The following SV2C variants were observed in gnomAD, a reference collection of about 807,000 sequenced individuals.
The protein encoded by SV2C is synaptic vesicle glycoprotein 2C, also known as solute carrier family 22 member B3.
Under a neutral mutation model 79.7 loss-of-function variants are expected in SV2C, and 49 were observed. The observed-to-expected ratio is 0.61, with a 90% CI of 0.49 to 0.78. The LOEUF is 0.78. SV2C is among the 30% of genes least tolerant of loss of function. The pLI is 0.00. For synonymous variants in SV2C, 334 were observed against 333.2 expected (o/e 1.00, Z -0.03); for missense variants, 833 against 912.9 (o/e 0.91, Z 1.13).
chr5:76,185,299 G>A (rs1743878722), intron 2 of SV2C, among the ~76,000 whole-genome samples: 1 of 152,228 alleles, frequency 6.6e-6, no homozygotes, highest in African/African-American at 2.4e-5. Context: ...GGTGCAAGCT[G>A]TTGGCAGATC....
At chr5:76,340,864 C>G (rs981035684) in intron 12 of SV2C, among the ~76,000 whole-genome samples, 9 of 151,950 alleles carry the variant, frequency 5.9e-5, no homozygotes, top group Admixed American at 5.9e-4. Context: ...CCTGCCTCAG[C>G]CTTCCAAAGT....
At chr5:75,880,380 C>T in the SV2C span, among the ~76,000 whole-genome samples, 2 of 152,162 alleles carry the variant, frequency 1.3e-5, no homozygotes, top group African/African-American at 4.8e-5. Flanking sequence ...TAAGTCATTT[C>T]TTTGCTCCCA....
intron 2 of SV2C, among the ~76,000 whole-genome samples, chr5:76,175,455 CAG>C (rs1284385477): frequency 7.9e-5 from 12 of 152,212 alleles, no homozygotes; most frequent in Middle Eastern, 3.4e-3. Flanking sequence ...AAAATGGACA[CAG>C]AATCTAACAG....
chr5:76,154,898 A>G (rs1742672247), intron 2 of SV2C, among the ~76,000 whole-genome samples: 1 of 152,178 alleles, frequency 6.6e-6, no homozygotes, highest in Admixed American at 6.5e-5. Flanking sequence ...ATTTAAAGGG[A>G]AAAAGAGCAG....
chr5:76,182,273 G>T (rs1743757432), intron 2 of SV2C, among the ~76,000 whole-genome samples: 1 of 151,960 alleles, frequency 6.6e-6, no homozygotes, highest in Non-Finnish European at 1.5e-5. Flanking sequence ...TGACCCCCCA[G>T]ACCTACCCGC....
chr5:76,089,897 T>C (rs912030852), intron 1 of SV2C, among the ~76,000 whole-genome samples: 41 of 152,254 alleles, frequency 2.7e-4, no homozygotes, highest in African/African-American at 8.7e-4. Context: ...AGAGACAGCA[T>C]AAGGAGAATA....
intron 2 of SV2C, among the ~76,000 whole-genome samples, chr5:76,137,724 T>C (rs1749115585): frequency 6.6e-6 from 1 of 152,216 alleles, no homozygotes; most frequent in Admixed American, 6.5e-5. Context: ...TTAAATCTCC[T>C]GTTTCCCTTC....
At chr5:76,180,305 T>G (rs1743680630) in intron 2 of SV2C, among the ~76,000 whole-genome samples, 1 of 152,236 alleles carries the variant, frequency 6.6e-6, no homozygotes, top group Admixed American at 6.5e-5. Flanking sequence ...AAAATATTTT[T>G]TAAGGTAGTT....
At chr5:75,901,918 C>T in the SV2C span, among the ~76,000 whole-genome samples, 53 of 152,080 alleles carry the variant, frequency 3.5e-4, no homozygotes, top group Non-Finnish European at 6.2e-4. Flanking sequence ...TCTTCTGGTG[C>T]GCCATTTTTT....
At chr5:75,951,238 A>G in the SV2C span, among the ~76,000 whole-genome samples, 222 of 152,148 alleles carry the variant, frequency 1.5e-3, 2 homozygotes, top group Admixed American at 0.014. Flanking sequence ...AAATTAATAT[A>G]CCAAATGGAT....
the SV2C span, among the ~76,000 whole-genome samples, chr5:76,010,346 G>A: frequency 1.6e-4 from 25 of 152,072 alleles, no homozygotes; most frequent in African/African-American, 6.0e-4. Context: ...GGGAAAAGAC[G>A]GTTGAATTAT....
At chr5:76,125,946 A>C (rs1487082803) in intron 1 of SV2C, among the ~76,000 whole-genome samples, 5 of 152,066 alleles carry the variant, frequency 3.3e-5, no homozygotes, top group Non-Finnish European at 5.9e-5. Context: ...AGTCCCAGCT[A>C]CTTGGGAGGC....
the SV2C span, among the ~76,000 whole-genome samples, chr5:76,054,468 C>G: frequency 8.4e-3 from 1,276 of 152,214 alleles, 14 homozygotes; most frequent in Non-Finnish European, 0.014. Context: ...GTGCATGGGT[C>G]TTTATAGTAG....
intron 1 of SV2C, 82 bp from the exon 2 acceptor site, chr5:76,131,568 G>A (rs1318806217): frequency 9.5e-6 from 4 of 421,130 alleles, no homozygotes; most frequent in Non-Finnish European, 1.6e-5. Context: ...GTGGGACACT[G>A]AAAAGAGGTC....
intron 2 of SV2C, among the ~76,000 whole-genome samples, chr5:76,152,395 T>G (rs1749631641): frequency 6.6e-6 from 1 of 152,222 alleles, no homozygotes; most frequent in Non-Finnish European, 1.5e-5. Context: ...TTTCCATCTT[T>G]GTAGCCATTT....
the SV2C span, among the ~76,000 whole-genome samples, chr5:75,999,251 A>G: frequency 3.9e-5 from 6 of 151,934 alleles, no homozygotes; most frequent in Non-Finnish European, 8.8e-5. Flanking sequence ...AAACCATATC[A>G]ATTTGTATAT....
the SV2C span, among the ~76,000 whole-genome samples, chr5:75,968,025 G>C: frequency 6.6e-6 from 1 of 152,224 alleles, no homozygotes; most frequent in African/African-American, 2.4e-5. Context: ...AATATCCGCT[G>C]TTCTGCAGAC....
the SV2C span, among the ~76,000 whole-genome samples, chr5:75,984,594 T>TCTATCTATCTATCTAC: frequency 2.4e-5 from 2 of 81,802 alleles, no homozygotes; most frequent in African/African-American, 3.2e-5. Context: ...TATCTATCTA[T>TCTATCTATCTATCTAC]CTACCTATCT....
At chr5:76,000,458 G>T in the SV2C span, among the ~76,000 whole-genome samples, 1 of 152,058 alleles carries the variant, frequency 6.6e-6, no homozygotes, top group African/African-American at 2.4e-5. Context: ...ATAATGCTGG[G>T]CCTGCCTCAC....
Sources: allele counts gnomAD v4.1 joint callset (sites outside exome capture counted in the v4.1 genomes callset), GRCh38; gene constraint gnomAD v4.1.1; transcripts MANE v1.5; gene names NCBI Gene and HGNC (gene_info 2026-07-23, HGNC 2026-07-21).